MTUS1: variants seen among roughly 807,000 people sequenced by gnomAD.
MTUS1 encodes the protein microtubule associated scaffold protein 1.
In MTUS1, 109 loss-of-function variants were observed where a neutral mutation model predicts 120.8. That is an observed-to-expected ratio of 0.90 (90% CI 0.77 to 1.06). MTUS1 has a LOEUF of 1.06. MTUS1 is among the 50% of genes least tolerant of loss of function. MTUS1 has a pLI of 0.00. For missense variants in MTUS1, 2,210 were observed against 1,486.3 expected, an observed-to-expected ratio of 1.49 and a Z score of -8.01; for synonymous variants, 737 against 550.5, an observed-to-expected ratio of 1.34 and a Z score of -4.74.
chr8:17,653,356 TAAAACCAAAC>T, intron 11 of MTUS1, 59 bp downstream of exon 11: 1 of 1,527,594 alleles, frequency 6.5e-7, no homozygotes, highest in Admixed American at 2.0e-5. Flanking sequence ...ACAGAAACAT[TAAAACCAAAC>T]AAAATCAAAA....
At chr8:17,791,644 C>A (rs1368139649) in intron 1 of MTUS1, among the ~76,000 whole-genome samples, 2 of 152,118 alleles carry the variant, frequency 1.3e-5, no homozygotes, top group Non-Finnish European at 2.9e-5. Flanking sequence ...TCAAGAAAAA[C>A]AAGAGGTGAC....
intron 1 of MTUS1, among the ~76,000 whole-genome samples, chr8:17,798,688 T>C (rs1275306875): frequency 6.6e-6 from 1 of 152,206 alleles, no homozygotes; most frequent in African/African-American, 2.4e-5. Context: ...AGCTACGATT[T>C]AGAAGTGTTA....
chr8:17,773,827 C>T (rs928151069), intron 1 of MTUS1, among the ~76,000 whole-genome samples: 5 of 152,068 alleles, frequency 3.3e-5, no homozygotes, highest in African/African-American at 9.7e-5. Context: ...ACATGTCCCT[C>T]ATCACTCCTG....
chr8:17,720,967 T>G (rs1036355659), intron 4 of MTUS1, among the ~76,000 whole-genome samples: 2 of 152,206 alleles, frequency 1.3e-5, no homozygotes, highest in Non-Finnish European at 2.9e-5. Flanking sequence ...TTGCCTTACG[T>G]ATTTTGATTT....
At chr8:17,716,178 T>G (rs1039117279) in intron 4 of MTUS1, among the ~76,000 whole-genome samples, 3 of 151,962 alleles carry the variant, frequency 2.0e-5, no homozygotes, top group Non-Finnish European at 4.4e-5. Flanking sequence ...CAGATAAGAG[T>G]TGGGGAAGAA....
Position 17,684,551 on chromosome 8 carries a change from C to T in MTUS1, c.2624-9G>A, listed in dbSNP as rs17125115. On this transcript the variant is annotated splice_polypyrimidine_tract_variant and intron_variant, in intron 6 of 14. Transcript: ENST00000693296. ...TTGCCTGCTCTTTTCAACTGCAAAACGAATTAACATAGGTACAAAGATAGG... is the reference window on the plus strand; with the variant it reads ...TTGCCTGCTCTTTTCAACTGCAAAATGAATTAACATAGGTACAAAGATAGG... 2.6e-3 allele frequency: 4,249 copies of T among 1,608,126 alleles called. 98 individuals are homozygous for T. In the African/African-American group the frequency reaches 0.05, roughly 19 times the overall value.
chr8:17,674,286 G>A (rs1585586428), intron 8 of MTUS1, among the ~76,000 whole-genome samples: 2 of 152,068 alleles, frequency 1.3e-5, no homozygotes, highest in Non-Finnish European at 2.9e-5. Flanking sequence ...TGGGTGTGGT[G>A]GTGTGCTCCT....
chr8:17,707,885 T>G (rs546029295), intron 6 of MTUS1, among the ~76,000 whole-genome samples: 1 of 152,348 alleles, frequency 6.6e-6, no homozygotes, highest in African/African-American at 2.4e-5. Flanking sequence ...AATACATGTC[T>G]TCAACACCTG....
At chr8:17,717,770 G>C (rs1822622350) in intron 4 of MTUS1, among the ~76,000 whole-genome samples, 1 of 152,058 alleles carries the variant, frequency 6.6e-6, no homozygotes, top group South Asian at 2.1e-4. Context: ...AAAATAGGAG[G>C]TGGTGTGCTG....
chr8:17,689,710 C>T (rs1194645232), intron 6 of MTUS1, among the ~76,000 whole-genome samples: 1 of 152,028 alleles, frequency 6.6e-6, no homozygotes, highest in Non-Finnish European at 1.5e-5. Flanking sequence ...TGGAAGAGAA[C>T]AGAGAACCCA....
At position 17,754,148 on chromosome 8, in the gene MTUS1, T is replaced by C. The variant is rs776626758; in HGVS notation, c.1660A>G (p.Ser554Gly). The change falls in exon 2 of 15, where the codon AGC becomes GGC. Residue 554 changes from serine to glycine, a missense_variant. Ser to Gly is a moderately conservative substitution (Grantham distance 56). Transcript: ENST00000693296. ...SVNSRQQTVL[S>G]RTPRSDLNAD... ...TTCAAGTCAGATCTCGGTGTTCTGC[T>C]CAAGACTGTTTGTTGTCTTGAATTC... The C allele has an allele frequency of 1.2e-5, 19 of 1,613,680 alleles. No individual in the cohort carries two copies. The highest frequency in any genetic ancestry group is 1.5e-5 in the Non-Finnish European group (18 of 1,180,038).
intron 4 of MTUS1, 104 bp from the exon 5 acceptor site, chr8:17,716,005 C>T: frequency 1.0e-6 from 1 of 994,626 alleles, no homozygotes. Context: ...CAATAAGCAC[C>T]TACGACATGC....
intron 3 of MTUS1, among the ~76,000 whole-genome samples, chr8:17,742,148 T>C (rs1011444144): frequency 6.6e-6 from 1 of 152,090 alleles, no homozygotes; most frequent in Non-Finnish European, 1.5e-5. Flanking sequence ...TGGAGTACAG[T>C]GGCATGATCA....
rs182891250 is a variant in MTUS1, at chr8:17,741,453, C to T, written c.2287+2151G>A. ...AGATACAGAAAACCACCCAGTAAAACGTAATTAGTTTTTAACTCAGACTGA... is the reference window on the plus strand; with the variant it reads ...AGATACAGAAAACCACCCAGTAAAATGTAATTAGTTTTTAACTCAGACTGA... On this transcript the variant is annotated intron_variant, in intron 3 of 14. Coordinates refer to ENST00000693296, the MANE Select transcript of MTUS1 (RefSeq NM_001363059.2). Among the ~76,000 whole-genome samples, 112 of 152,224 alleles carry T rather than the reference C, an allele frequency of 7.4e-4. 1 individual carries two copies. The highest frequency in any genetic ancestry group is 6.8e-3 in the Middle Eastern group (2 of 294).
intron 3 of MTUS1, among the ~76,000 whole-genome samples, chr8:17,737,887 T>C (rs1170536016): frequency 6.6e-6 from 1 of 152,144 alleles, no homozygotes; most frequent in Non-Finnish European, 1.5e-5. Flanking sequence ...TTGCTTACTG[T>C]CTCCCTCAAA....
chr8:17,661,432 A>C (rs989217929), intron 8 of MTUS1, among the ~76,000 whole-genome samples: 1 of 152,222 alleles, frequency 6.6e-6, no homozygotes, highest in Non-Finnish European at 1.5e-5. Context: ...ACTCAGCAAT[A>C]AACAAGAGAC....
rs533522152 is a variant in MTUS1 at position 17,780,082 on chromosome 8, G to T, written c.-155+20979C>A. 2.0e-5 allele frequency among the ~76,000 whole-genome samples: 3 copies of T among 152,224 alleles called. No individual in the cohort carries two copies. In the South Asian group the frequency reaches 6.2e-4, roughly 32 times the overall value. On this transcript the variant is annotated intron_variant, in intron 1 of 14. Coordinates refer to ENST00000693296, the MANE Select transcript of MTUS1 (RefSeq NM_001363059.2). The stretch of plus-strand genomic sequence containing the variant: ...GGGGTGGATCCCTCATGAATGGCTT[G>T]GGGCTGTCCACAAGAGGGAGTCAGT...
chr8:17,650,768 C>A (rs1034374436), intron 12 of MTUS1, among the ~76,000 whole-genome samples: 1 of 152,214 alleles, frequency 6.6e-6, no homozygotes, highest in African/African-American at 2.4e-5. Context: ...TGAGAGCACA[C>A]CATCAGTGTG....
chr8:17,736,211 G>A (rs539369268), intron 3 of MTUS1, among the ~76,000 whole-genome samples: 15 of 152,346 alleles, frequency 9.8e-5, no homozygotes, highest in African/African-American at 3.6e-4. Flanking sequence ...AGAATTGTGT[G>A]AAACGCCTGG....
Sources: allele counts gnomAD v4.1 joint callset (sites outside exome capture counted in the v4.1 genomes callset), GRCh38; gene constraint gnomAD v4.1.1; transcripts MANE v1.5; gene names NCBI Gene and HGNC (gene_info 2026-07-23, HGNC 2026-07-21).